The following RP1 variants were observed in gnomAD, a reference collection of about 807,000 sequenced individuals.
RP1 encodes the protein oxygen-regulated protein 1.
RP1 carries 16 observed loss-of-function variants against 14.8 expected under a neutral mutation model. That is an observed-to-expected ratio of 1.08 (90% CI 0.73 to 1.65). The LOEUF is 1.65. Among genes scored for constraint, RP1 ranks in the 40% most tolerant of loss-of-function variants. The pLI, the probability that RP1 is intolerant of heterozygous loss-of-function variation, is 0.00. For missense variants in RP1, 2,631 were observed against 2,535.0 expected, an observed-to-expected ratio of 1.04 and a Z score of -0.81; for synonymous variants, 876 against 883.6, an observed-to-expected ratio of 0.99 and a Z score of 0.15.
chr8:54,626,772 ATAAG>A lies in RP1; in HGVS notation c.2894_2897del (p.Ser965IlefsTer10). 6.2e-7 allele frequency: 1 copy of A among 1,613,888 alleles called. No homozygotes were observed. The highest frequency in any genetic ancestry group is 8.5e-7 in the Non-Finnish European group (1 of 1,179,938). ...TGATCCCCATACAAATTCTGGAAAAATAAGTAATTTTGTTATGGAAAGTAATAAG... is the reference window on the plus strand; with the variant it reads ...TGATCCCCATACAAATTCTGGAAAAATAATTTTGTTATGGAAAGTAATAAG... On this transcript the variant is annotated frameshift_variant, in exon 4 of 4. Coordinates refer to ENST00000220676, the MANE Select transcript of RP1 (RefSeq NM_006269.2). LOFTEE classifies it low-confidence loss of function (END_TRUNC).
At chr8:54,661,981 G>T (rs1043579649) in intron 6 of RP1, among the ~76,000 whole-genome samples, 4 of 151,732 alleles carry the variant, frequency 2.6e-5, no homozygotes, top group Non-Finnish European at 5.9e-5. Context: ...CTATTTCTTT[G>T]TGAGGATTTT....
At chr8:54,794,550 G>T (rs1355544038) in intron 24 of RP1, among the ~76,000 whole-genome samples, 2 of 151,632 alleles carry the variant, frequency 1.3e-5, no homozygotes, top group Non-Finnish European at 3.0e-5. Flanking sequence ...GCAAAAGAAT[G>T]AAATTGGACC....
chr8:54,845,646 A>G (rs1203176989), intron 25 of RP1, among the ~76,000 whole-genome samples: 3 of 152,204 alleles, frequency 2.0e-5, no homozygotes, highest in African/African-American at 7.2e-5. Flanking sequence ...TTTATTCAAA[A>G]TTATCCTAAA....
intron 7 of RP1, among the ~76,000 whole-genome samples, chr8:54,671,457 C>T (rs759969555): frequency 3.3e-5 from 5 of 151,914 alleles, no homozygotes; most frequent in African/African-American, 9.7e-5. Context: ...TTTAAATTCC[C>T]GTAATGCATA....
At chr8:54,735,957 G>A (rs1371040185) in intron 18 of RP1, among the ~76,000 whole-genome samples, 1 of 152,114 alleles carries the variant, frequency 6.6e-6, no homozygotes, top group Non-Finnish European at 1.5e-5. Flanking sequence ...TTGCACATTG[G>A]AATTACCCAG....
At chr8:54,609,066 G>A (rs923119753) in intron 1 of RP1, among the ~76,000 whole-genome samples, 1 of 152,176 alleles carries the variant, frequency 6.6e-6, no homozygotes, top group African/African-American at 2.4e-5. Context: ...AAGCTATGAT[G>A]GATAGATGTC....
intron 18 of RP1, among the ~76,000 whole-genome samples, chr8:54,736,534 A>C (rs1808927235): frequency 6.6e-6 from 1 of 152,190 alleles, no homozygotes; most frequent in African/African-American, 2.4e-5. Flanking sequence ...CGTGCGCTGC[A>C]CCTGGTAGAT....
At chr8:54,638,667 A>G (rs1806398785) in intron 3 of RP1, among the ~76,000 whole-genome samples, 1 of 152,044 alleles carries the variant, frequency 6.6e-6, no homozygotes, top group Non-Finnish European at 1.5e-5. Flanking sequence ...GTATTCTGAA[A>G]TTTCACAATA....
At chr8:54,631,393 G>A (rs982563314), downstream of RP1, among the ~76,000 whole-genome samples, 5 of 152,140 alleles carry the variant, frequency 3.3e-5, no homozygotes, top group African/African-American at 1.2e-4. Context: ...AGGGCACAAA[G>A]TTTTGGAGAA....
At chr8:54,804,075 AT>A (rs1394475151) in intron 24 of RP1, among the ~76,000 whole-genome samples, 2 of 152,102 alleles carry the variant, frequency 1.3e-5, no homozygotes, top group African/African-American at 2.4e-5. Flanking sequence ...CTCAAAAAAA[AT>A]AAAAGAATTA....
chr8:54,711,888 A>G (rs914592347), intron 15 of RP1, among the ~76,000 whole-genome samples: 3 of 152,176 alleles, frequency 2.0e-5, no homozygotes, highest in African/African-American at 2.4e-5. Flanking sequence ...TGTGTAGCTC[A>G]GGAGGCTTAA....
upstream of RP1, among the ~76,000 whole-genome samples, chr8:54,615,497 A>C (rs912533890): frequency 1.3e-5 from 2 of 152,204 alleles, no homozygotes; most frequent in Non-Finnish European, 2.9e-5. Flanking sequence ...AAAGTCCTGA[A>C]ACATGTTCAA....
At chr8:54,713,060 G>A (rs1311552862) in intron 15 of RP1, among the ~76,000 whole-genome samples, 4 of 151,854 alleles carry the variant, frequency 2.6e-5, no homozygotes, top group Non-Finnish European at 4.4e-5. Context: ...CTCAGTCCTG[G>A]TAGCTACTCA....
At chr8:54,712,068 A>G (rs1305253387) in intron 15 of RP1, among the ~76,000 whole-genome samples, 1 of 152,144 alleles carries the variant, frequency 6.6e-6, no homozygotes, top group Non-Finnish European at 1.5e-5. Context: ...TCCTCCAGGT[A>G]TGAAGTAAGA....
At chr8:54,741,514 T>C (rs1809084584) in intron 19 of RP1, among the ~76,000 whole-genome samples, 1 of 151,920 alleles carries the variant, frequency 6.6e-6, no homozygotes, top group Non-Finnish European at 1.5e-5. Flanking sequence ...CTATACCATA[T>C]AGCCTAGGTA....
chr8:54,725,003 G>C (rs998507056), intron 16 of RP1, among the ~76,000 whole-genome samples: 1 of 152,112 alleles, frequency 6.6e-6, no homozygotes, highest in South Asian at 2.1e-4. Flanking sequence ...CCCTATGCAC[G>C]TTGTGCTTGT....
chr8:54,865,007 C>T (rs1412040049), intron 27 of RP1, among the ~76,000 whole-genome samples: 1 of 151,920 alleles, frequency 6.6e-6, no homozygotes, highest in African/African-American at 2.4e-5. Context: ...TTATTTATGG[C>T]TTTTTTTGCT....
At chr8:54,825,208 C>T (rs1227228583) in intron 24 of RP1, among the ~76,000 whole-genome samples, 3 of 152,136 alleles carry the variant, frequency 2.0e-5, no homozygotes, top group Non-Finnish European at 2.9e-5. Context: ...ATCCATCCAC[C>T]TCGGCCTCCC....
At position 54,626,847 on chromosome 8, in the gene RP1, G is replaced by T; in HGVS notation, c.2965G>T (p.Glu989Ter). The change falls in exon 4 of 4, where the codon GAG becomes TAG. Residue 989 changes from glutamate to a stop codon, truncating the protein, a stop_gained. Transcript: ENST00000220676. LOFTEE classifies it low-confidence loss of function (END_TRUNC). Reference protein sequence around the residue: ...AGLTGDNLCKEGDKSFIANDT... With the variant: ...AGLTGDNLCK ...TTTGACAGGAGATAATCTATGTAAA[G>T]AGGGAGATAAGTCTTTTATTGCCAA... The T allele has an allele frequency of 6.2e-7, 1 of 1,613,830 alleles. No individual in the cohort carries two copies. Among genetic ancestry groups the T allele is most frequent in the African/African-American group, 1.3e-5 (1 of 75,052 alleles).
Sources: gnomAD v4.1 joint callset for allele counts (sites outside exome capture counted in the v4.1 genomes callset) on GRCh38, gnomAD v4.1.1 for gene constraint, MANE v1.5 for transcripts, NCBI Gene and HGNC (gene_info 2026-07-23, HGNC 2026-07-21) for gene names.